The following SUGP1 variants were observed in gnomAD, a reference collection of about 807,000 sequenced individuals.
SUGP1 encodes the protein SURP and G-patch domain-containing protein 1.
SUGP1 carries 34 observed loss-of-function variants against 76.5 expected under a neutral mutation model. The ratio of observed to expected loss-of-function variants is 0.44; its 90% confidence interval spans 0.34 to 0.59. The LOEUF is 0.59. Among genes scored for constraint, SUGP1 ranks in the 20% least tolerant of loss-of-function variants. The pLI is 0.01. For synonymous variants in SUGP1, 326 were observed against 326.2 expected, an observed-to-expected ratio of 1.00 and a Z score of 0.01; for missense variants, 752 against 851.7, an observed-to-expected ratio of 0.88 and a Z score of 1.46.
intron 3 of SUGP1, among the ~76,000 whole-genome samples, chr19:19,307,733 A>C (rs2061327547): frequency 6.6e-6 from 1 of 151,168 alleles, no homozygotes; most frequent in Non-Finnish European, 1.5e-5. Context: ...AGCTCAGCTC[A>C]CGTGAGCAGA....
chr19:19,279,567 A>C, intron 9 of SUGP1, among the ~76,000 whole-genome samples, 177 bp from the exon 10 acceptor site: 1 of 152,132 alleles, frequency 6.6e-6, no homozygotes, highest in East Asian at 1.9e-4. Flanking sequence ...GGGTTCTCTA[A>C]ATCCCAGTGT....
At chr19:19,285,891 C>T (rs746601520) in intron 8 of SUGP1, among the ~76,000 whole-genome samples, 19 of 152,218 alleles carry the variant, frequency 1.2e-4, no homozygotes, top group Non-Finnish European at 2.9e-5. Context: ...GGCAGGATAA[C>T]GCTACTGTTT....
chr19:19,277,862 G>A lies in SUGP1; in HGVS notation c.1653C>T (p.Asp551=). ...FKALKEGREP[D]YSEYKEFKLT... Reference sequence around the variant, plus strand: ...GCTTGAACTCCTTGTACTCTGAGTAGTCAGGCTCACGGCCCTCCTGCAAGG... The same window carrying A: ...GCTTGAACTCCTTGTACTCTGAGTAATCAGGCTCACGGCCCTCCTGCAAGG... Residue 551 remains aspartate (D), a synonymous_variant, in exon 12 of 14, where the codon GAC becomes GAT. Coordinates refer to ENST00000247001, the MANE Select transcript of SUGP1 (RefSeq NM_172231.4). 1 of 1,613,922 alleles carries A rather than the reference G, an allele frequency of 6.2e-7. No individual in the cohort carries two copies. The highest frequency in any genetic ancestry group is 8.5e-7 in the Non-Finnish European group (1 of 1,179,952).
chr19:19,319,631 G>A (rs921204008), intron 1 of SUGP1, among the ~76,000 whole-genome samples: 1 of 149,112 alleles, frequency 6.7e-6, no homozygotes, highest in South Asian at 2.1e-4. Flanking sequence ...GGCTGAGGTG[G>A]GAGGATCACC....
At chr19:19,302,061 A>C in intron 7 of SUGP1, 1 of 707,894 alleles carries the variant, frequency 1.4e-6, no homozygotes, top group Non-Finnish European at 2.2e-6. Context: ...CACCTGCCTC[A>C]GAGACTACCC....
At chr19:19,311,767 A>G (rs893314331) in intron 2 of SUGP1, among the ~76,000 whole-genome samples, 2 of 151,666 alleles carry the variant, frequency 1.3e-5, no homozygotes, top group African/African-American at 2.4e-5. Context: ...ATGATGCCCA[A>G]AGAAATGCTT....
At chr19:19,311,952 T>C (rs375961976) in intron 2 of SUGP1, among the ~76,000 whole-genome samples, 100 of 152,214 alleles carry the variant, frequency 6.6e-4, no homozygotes, top group African/African-American at 2.2e-3. Context: ...CACGTCTGCC[T>C]GGGCAACAGA....
At chr19:19,290,119 G>A (rs1007105880) in intron 8 of SUGP1, among the ~76,000 whole-genome samples, 39 of 152,050 alleles carry the variant, frequency 2.6e-4, no homozygotes, top group African/African-American at 8.5e-4. Flanking sequence ...GATGTGACCC[G>A]CCATCACACA....
At chr19:19,285,034 A>ATTT (rs368185954) in intron 8 of SUGP1, among the ~76,000 whole-genome samples, 32 of 150,882 alleles carry the variant, frequency 2.1e-4, no homozygotes, top group African/African-American at 7.4e-4. Flanking sequence ...TGCCTGGCTA[A>ATTT]TTTTTTGTAT....
At chr19:19,319,199 G>A (rs1205775565) in intron 1 of SUGP1, among the ~76,000 whole-genome samples, 2 of 152,206 alleles carry the variant, frequency 1.3e-5, no homozygotes, top group African/African-American at 4.8e-5. Context: ...TCCAGCCTGG[G>A]CGACAGAGCG....
intron 8 of SUGP1, among the ~76,000 whole-genome samples, chr19:19,285,013 GC>G (rs1370596814): frequency 1.3e-5 from 2 of 151,492 alleles, no homozygotes; most frequent in East Asian, 3.9e-4. Context: ...GACTACAGGC[GC>G]CCGCCACCGT....
At chr19:19,303,575 C>G in intron 5 of SUGP1, 127 bp from the exon 6 acceptor site, 1 of 1,337,628 alleles carries the variant, frequency 7.5e-7, no homozygotes. Context: ...GTCTCCGTGC[C>G]ACATGGGAGC....
chr19:19,294,647 G>C (rs1298049169), intron 8 of SUGP1, among the ~76,000 whole-genome samples: 1 of 151,596 alleles, frequency 6.6e-6, no homozygotes, highest in Non-Finnish European at 1.5e-5. Flanking sequence ...GACACCAAAA[G>C]CATAAACCAC....
chr19:19,302,016 C>T (rs922469716), intron 7 of SUGP1: 6 of 523,232 alleles, frequency 1.1e-5, no homozygotes, highest in East Asian at 3.1e-5. Flanking sequence ...CTCCATGAGG[C>T]ACCTGAAAGA....
At chr19:19,295,605 C>CAAAA (rs55921805) in intron 8 of SUGP1, among the ~76,000 whole-genome samples, 17 of 66,772 alleles carry the variant, frequency 2.5e-4, no homozygotes, top group African/African-American at 3.0e-4. Context: ...GACTCCTTCT[C>CAAAA]AAAAAAAAAA....
chr19:19,303,014 T>A (rs997049747), intron 6 of SUGP1, among the ~76,000 whole-genome samples: 2 of 152,134 alleles, frequency 1.3e-5, no homozygotes, highest in African/African-American at 4.8e-5. Context: ...TCATCAACAC[T>A]TGTTAATGTA....
chr19:19,304,187 C>A, intron 4 of SUGP1: 1 of 511,384 alleles, frequency 2.0e-6, no homozygotes, highest in Non-Finnish European at 3.4e-6. Context: ...TACATCGGTT[C>A]CCTTTCATCC....
rs567893679 is a variant in SUGP1 at position 19,278,558 on chromosome 19, T to G, written c.1635+132A>C. On this transcript the variant is annotated intron_variant, in intron 11 of 13. Transcript: ENST00000247001. ...GCGCCTGTCATTAACAGATGCCTCC[T>G]GCAGCGAAAAGGCCTGGCTCCTGCT... is the stretch of plus-strand genomic sequence containing the variant. The G allele has an allele frequency of 1.4e-4, 100 of 718,510 alleles. No individual in the cohort carries two copies. In the African/African-American group the frequency reaches 1.6e-3, roughly 12 times the overall value. The allele number at this position is 718,510 out of a possible 1,614,324, so 44.5% of individuals were successfully genotyped here.
chr19:19,276,324 G>A lies in SUGP1; in HGVS notation c.*324C>T, dbSNP rs913949731. ...CCTTGGCCTCTCAAAGTGCTGGGATGACAGGGGTGAGACACTGCACCTGGC... is the reference window on the plus strand; with the variant it reads ...CCTTGGCCTCTCAAAGTGCTGGGATAACAGGGGTGAGACACTGCACCTGGC... On this transcript the variant is annotated 3_prime_UTR_variant, in exon 14 of 14. Coordinates refer to ENST00000247001, the MANE Select transcript of SUGP1 (RefSeq NM_172231.4). The A allele has an allele frequency of 1.0e-5, 3 of 293,064 alleles. No homozygotes were observed. The highest frequency in any genetic ancestry group is 4.7e-5 in the Admixed American group (1 of 21,280). The allele number at this position is 293,064 out of a possible 1,614,324, so 18.2% of individuals were successfully genotyped here. A position where few individuals can be genotyped will look rare whatever the true frequency, so the allele number is the denominator to read the frequency against.
Sources: allele counts gnomAD v4.1 joint callset (sites outside exome capture counted in the v4.1 genomes callset), GRCh38; gene constraint gnomAD v4.1.1; transcripts MANE v1.5; gene names NCBI Gene and HGNC (gene_info 2026-07-23, HGNC 2026-07-21).